Variants in C3orf70 observed in about 807,000 individuals in gnomAD.
C3orf70 encodes the protein chromosome 3 open reading frame 70.
In C3orf70, 15 loss-of-function variants were observed where a neutral mutation model predicts 20.7. The ratio of observed to expected loss-of-function variants is 0.72; its 90% confidence interval spans 0.48 to 1.11. The LOEUF (loss-of-function observed/expected upper bound fraction) is 1.11, where lower values mean the gene tolerates loss of function less well. Ranked by LOEUF, C3orf70 falls within the 50% of genes most tolerant of loss-of-function variation. The pLI, the probability that C3orf70 is intolerant of heterozygous loss-of-function variation, is 0.00. For missense variants in C3orf70, 332 were observed against 317.6 expected, an observed-to-expected ratio of 1.05 and a Z score of -0.34; for synonymous variants, 161 against 125.7, an observed-to-expected ratio of 1.28 and a Z score of -1.88.
intron 1 of C3orf70, among the ~76,000 whole-genome samples, chr3:185,094,673 AT>A (rs1715665454): frequency 6.6e-6 from 1 of 151,448 alleles, no homozygotes; most frequent in South Asian, 2.1e-4. Context: ...AAAAAAAAAA[AT>A]CTCCTAGGCT....
At chr3:185,087,695 G>C (rs1266105150) in intron 1 of C3orf70, among the ~76,000 whole-genome samples, 1 of 152,124 alleles carries the variant, frequency 6.6e-6, no homozygotes, top group African/African-American at 2.4e-5. Flanking sequence ...AATGGGTAGA[G>C]TTTGAGTTTT....
intron 1 of C3orf70, among the ~76,000 whole-genome samples, chr3:185,128,039 C>T (rs994625408): frequency 6.6e-5 from 10 of 152,134 alleles, no homozygotes; most frequent in South Asian, 2.1e-4. Flanking sequence ...AAATTAAATA[C>T]GCAAGCAGCA....
At chr3:185,095,445 G>A (rs979524138) in intron 1 of C3orf70, among the ~76,000 whole-genome samples, 3 of 152,224 alleles carry the variant, frequency 2.0e-5, no homozygotes, top group African/African-American at 7.2e-5. Context: ...GACAGATACT[G>A]CTAACAGAGT....
At chr3:185,097,313 CG>C (rs1715729902) in intron 1 of C3orf70, among the ~76,000 whole-genome samples, 1 of 152,030 alleles carries the variant, frequency 6.6e-6, no homozygotes, top group East Asian at 1.9e-4. Flanking sequence ...TTAATATTAA[CG>C]GAGGAAGACT....
At chr3:185,096,107 T>G (rs1715695745) in intron 1 of C3orf70, among the ~76,000 whole-genome samples, 1 of 151,930 alleles carries the variant, frequency 6.6e-6, no homozygotes, top group Admixed American at 6.6e-5. Context: ...TATACATGAA[T>G]TATAGTTCCC....
chr3:185,140,517 T>G (rs1002219652), intron 1 of C3orf70, among the ~76,000 whole-genome samples: 1 of 152,180 alleles, frequency 6.6e-6, no homozygotes, highest in African/African-American at 2.4e-5. Flanking sequence ...ACACCTGTTG[T>G]GGGCTGCATG....
intron 1 of C3orf70, among the ~76,000 whole-genome samples, chr3:185,112,089 G>A (rs776771163): frequency 1.6e-4 from 24 of 152,124 alleles, no homozygotes; most frequent in Non-Finnish European, 4.4e-5. Context: ...TCAGGAGTTC[G>A]AGATCAGCCT....
intron 1 of C3orf70, among the ~76,000 whole-genome samples, chr3:185,120,021 C>CAAAA (rs375867678): frequency 3.4e-5 from 3 of 87,202 alleles, no homozygotes; most frequent in Admixed American, 1.4e-4. Flanking sequence ...GACTCTGTCT[C>CAAAA]AAAAAAAAAA....
intron 1 of C3orf70, among the ~76,000 whole-genome samples, chr3:185,130,135 T>C (rs754729108): frequency 4.0e-4 from 61 of 152,326 alleles, no homozygotes; most frequent in Non-Finnish European, 6.5e-4. Context: ...TATAAAAATA[T>C]TTTACTAAAG....
intron 1 of C3orf70, among the ~76,000 whole-genome samples, chr3:185,109,285 C>T (rs1306842317): frequency 2.0e-5 from 3 of 152,050 alleles, no homozygotes; most frequent in East Asian, 1.9e-4. Flanking sequence ...TGGAGAGATC[C>T]GATAACAAAA....
intron 1 of C3orf70, among the ~76,000 whole-genome samples, chr3:185,115,163 A>G (rs1245970798): frequency 2.0e-5 from 3 of 152,288 alleles, no homozygotes; most frequent in South Asian, 2.1e-4. Context: ...TTTTTTTAAA[A>G]GCTTCTCAAG....
intron 1 of C3orf70, among the ~76,000 whole-genome samples, chr3:185,113,564 T>C (rs542293988): frequency 1.3e-5 from 2 of 152,280 alleles, no homozygotes; most frequent in South Asian, 2.1e-4. Flanking sequence ...TAACTAACAC[T>C]AGTAAAAGCA....
chr3:185,126,116 G>GA (rs1716405561), intron 1 of C3orf70, among the ~76,000 whole-genome samples: 1 of 152,150 alleles, frequency 6.6e-6, no homozygotes, highest in Non-Finnish European at 1.5e-5. Context: ...GGATGTCGAT[G>GA]AAAAAATGAA....
At chr3:185,128,186 C>T (rs1430258734) in intron 1 of C3orf70, among the ~76,000 whole-genome samples, 1 of 152,128 alleles carries the variant, frequency 6.6e-6, no homozygotes, top group Non-Finnish European at 1.5e-5. Flanking sequence ...GGTATCAGCC[C>T]TGAAGACTTT....
At chr3:185,126,995 A>G (rs1268746412) in intron 1 of C3orf70, among the ~76,000 whole-genome samples, 1 of 152,238 alleles carries the variant, frequency 6.6e-6, no homozygotes, top group Non-Finnish European at 1.5e-5. Context: ...AATCCACTTT[A>G]CTGTCTCAGC....
In C3orf70 at chr3:185,077,644, C is replaced by CG. The variant is rs1300271914; in HGVS notation, c.*5362dup. On this transcript the variant is annotated 3_prime_UTR_variant, in exon 2 of 2. Transcript: ENST00000335012. ...TGGCCCCTGAGTCTTGGTGACCAAGCGACCCCCCCAAGCTCTGCCGGGCAG... is the reference window on the plus strand; with the variant it reads ...TGGCCCCTGAGTCTTGGTGACCAAGCGGACCCCCCCAAGCTCTGCCGGGCAG... Among the ~76,000 whole-genome samples the CG allele has an allele frequency of 6.6e-6, 1 of 152,128 alleles. No homozygotes were observed. The highest frequency in any genetic ancestry group is 2.4e-5 in the African/African-American group (1 of 41,430).
At chr3:185,143,981 AACACACACACACACAC>A (rs34762767) in intron 1 of C3orf70, among the ~76,000 whole-genome samples, 1 of 148,844 alleles carries the variant, frequency 6.7e-6, no homozygotes, top group East Asian at 2.0e-4. Flanking sequence ...TTCTATGGTA[AACACACACACACACAC>A]ACACACACAC....
intron 1 of C3orf70, among the ~76,000 whole-genome samples, chr3:185,092,789 G>A (rs1050150316): frequency 2.0e-5 from 3 of 152,054 alleles, no homozygotes; most frequent in African/African-American, 4.8e-5. Flanking sequence ...TCAGGAGATC[G>A]AGACCATCCT....
intron 1 of C3orf70, among the ~76,000 whole-genome samples, chr3:185,089,066 G>A (rs1715514079): frequency 6.6e-6 from 1 of 152,080 alleles, no homozygotes; most frequent in Non-Finnish European, 1.5e-5. Flanking sequence ...CTTTCTTTAG[G>A]ACTGCAGCAA....
Sources: allele counts gnomAD v4.1 joint callset (sites outside exome capture counted in the v4.1 genomes callset), GRCh38; gene constraint gnomAD v4.1.1; transcripts MANE v1.5; gene names NCBI Gene and HGNC (gene_info 2026-07-23, HGNC 2026-07-21).